Variants in ZNF804B observed in about 807,000 individuals in gnomAD.
ZNF804B encodes zinc finger 804B.
ZNF804B carries 80 observed loss-of-function variants against 101.4 expected under a neutral mutation model. The observed-to-expected ratio is 0.79, with a 90% CI of 0.66 to 0.95. ZNF804B has a LOEUF of 0.95. ZNF804B is among the 40% of genes least tolerant of loss of function. The pLI is 0.00. For synonymous variants in ZNF804B, 622 were observed against 558.8 expected (o/e 1.11, Z -1.59); for missense variants, 1,673 against 1,561.9 (o/e 1.07, Z -1.20).
chr7:89,125,335 T>A (rs573293826), intron 1 of ZNF804B, among the ~76,000 whole-genome samples: 29 of 152,032 alleles, frequency 1.9e-4, no homozygotes, highest in African/African-American at 6.5e-4. Context: ...TGAATGTATA[T>A]ATATTATATA....
intron 1 of ZNF804B, among the ~76,000 whole-genome samples, chr7:89,054,852 T>G (rs1480864778): frequency 6.6e-6 from 1 of 152,048 alleles, no homozygotes; most frequent in Non-Finnish European, 1.5e-5. Context: ...ATCCTCATTT[T>G]TTTCCTTTCT....
At chr7:89,307,205 G>A (rs1471531074) in intron 2 of ZNF804B, among the ~76,000 whole-genome samples, 1 of 151,864 alleles carries the variant, frequency 6.6e-6, no homozygotes, top group African/African-American at 2.4e-5. Flanking sequence ...CTTTCTTAGT[G>A]CCTCTGCATT....
intron 1 of ZNF804B, among the ~76,000 whole-genome samples, chr7:89,195,751 A>G (rs1428872261): frequency 6.6e-6 from 1 of 151,884 alleles, no homozygotes; most frequent in Non-Finnish European, 1.5e-5. Flanking sequence ...ATTTCTATAC[A>G]CCTACAGTAG....
At chr7:88,929,302 A>G (rs908752875) in intron 1 of ZNF804B, among the ~76,000 whole-genome samples, 2 of 151,638 alleles carry the variant, frequency 1.3e-5, no homozygotes, top group African/African-American at 4.8e-5. Context: ...CAGTCAAAAA[A>G]TCTTAGTGAA....
intron 1 of ZNF804B, among the ~76,000 whole-genome samples, chr7:88,827,646 A>G (rs1239059440): frequency 6.6e-6 from 1 of 151,976 alleles, no homozygotes; most frequent in Non-Finnish European, 1.5e-5. Flanking sequence ...CATAACCTCA[A>G]ACTGAATTTG....
intron 1 of ZNF804B, chr7:88,795,753 T>C (rs1321360320): frequency 6.6e-6 from 1 of 152,178 alleles, no homozygotes; most frequent in Non-Finnish European, 1.5e-5. Context: ...TCCTGTGTTC[T>C]GCCTTCCCTC....
At chr7:88,940,887 G>A (rs1287028662) in intron 1 of ZNF804B, among the ~76,000 whole-genome samples, 1 of 150,694 alleles carries the variant, frequency 6.6e-6, no homozygotes, top group Non-Finnish European at 1.5e-5. Flanking sequence ...ATAAAGAACT[G>A]TTATCTAAAA....
At chr7:89,122,111 A>G (rs1176384746) in intron 1 of ZNF804B, among the ~76,000 whole-genome samples, 3 of 151,998 alleles carry the variant, frequency 2.0e-5, no homozygotes, top group African/African-American at 7.2e-5. Context: ...TTAAAATACA[A>G]TAGTAACCAC....
At chr7:89,103,048 GTT>G (rs56693128) in intron 1 of ZNF804B, among the ~76,000 whole-genome samples, 166 of 33,712 alleles carry the variant, frequency 4.9e-3, no homozygotes, top group Non-Finnish European at 6.4e-3. Context: ...CTATGTGTCT[GTT>G]TTTTTTTTTT....
At chr7:89,255,376 A>G (rs1789612073) in intron 2 of ZNF804B, among the ~76,000 whole-genome samples, 1 of 152,146 alleles carries the variant, frequency 6.6e-6, no homozygotes, top group South Asian at 2.1e-4. Context: ...AAACCATATT[A>G]TAGTGATTAA....
At chr7:89,022,012 G>A (rs1435973830) in intron 1 of ZNF804B, among the ~76,000 whole-genome samples, 1 of 152,204 alleles carries the variant, frequency 6.6e-6, no homozygotes, top group Non-Finnish European at 1.5e-5. Flanking sequence ...AGGACTACAA[G>A]TGTTTGTGGT....
At chr7:88,909,884 G>A (rs1792523505) in intron 1 of ZNF804B, among the ~76,000 whole-genome samples, 1 of 151,482 alleles carries the variant, frequency 6.6e-6, no homozygotes, top group South Asian at 2.1e-4. Flanking sequence ...TGCAAATTTA[G>A]TTTTACTCAC....
At chr7:89,053,647 T>A (rs1789243142) in intron 1 of ZNF804B, among the ~76,000 whole-genome samples, 1 of 152,018 alleles carries the variant, frequency 6.6e-6, no homozygotes, top group Non-Finnish European at 1.5e-5. Flanking sequence ...TCACTTTTGA[T>A]TTCCTTCCTC....
At chr7:89,010,696 A>G (rs551738964) in intron 1 of ZNF804B, among the ~76,000 whole-genome samples, 1 of 152,274 alleles carries the variant, frequency 6.6e-6, no homozygotes, top group East Asian at 1.9e-4. Context: ...TGATGTAAAG[A>G]GTTACATGTT....
chr7:88,917,124 A>G (rs1047442004), intron 1 of ZNF804B, among the ~76,000 whole-genome samples: 1 of 151,816 alleles, frequency 6.6e-6, no homozygotes, highest in Non-Finnish European at 1.5e-5. Flanking sequence ...AATTAGCCGG[A>G]TGTGGTGGCA....
At chr7:89,174,736 T>C (rs911305384) in intron 1 of ZNF804B, among the ~76,000 whole-genome samples, 10 of 152,018 alleles carry the variant, frequency 6.6e-5, no homozygotes, top group African/African-American at 2.4e-4. Context: ...GGTTTCCTTT[T>C]CCATATCTTT....
At chr7:89,326,309 T>C (rs1366477782) in intron 2 of ZNF804B, among the ~76,000 whole-genome samples, 4 of 151,992 alleles carry the variant, frequency 2.6e-5, no homozygotes, top group African/African-American at 7.2e-5. Flanking sequence ...GATGTAGTTA[T>C]CTCACCACTG....
At chr7:89,172,246 T>G (rs145439825) in intron 1 of ZNF804B, among the ~76,000 whole-genome samples, 1 of 152,174 alleles carries the variant, frequency 6.6e-6, no homozygotes, top group South Asian at 2.1e-4. Flanking sequence ...ATATGACTTT[T>G]TGACAACATT....
At chr7:89,152,817 G>A (rs979984442) in intron 1 of ZNF804B, among the ~76,000 whole-genome samples, 2 of 151,856 alleles carry the variant, frequency 1.3e-5, no homozygotes, top group African/African-American at 4.8e-5. Flanking sequence ...CATAACCTGC[G>A]CATATGCTGG....
Sources: gnomAD v4.1 joint callset for allele counts (sites outside exome capture counted in the v4.1 genomes callset) on GRCh38, gnomAD v4.1.1 for gene constraint, MANE v1.5 for transcripts, NCBI Gene and HGNC (gene_info 2026-07-23, HGNC 2026-07-21) for gene names.